SHISA6: variants seen among roughly 807,000 people sequenced by gnomAD.
SHISA6 encodes the protein protein shisa-6.
A neutral mutation model predicts 47.9 loss-of-function variants in SHISA6; 22 were observed. The observed-to-expected ratio is 0.46, with a 90% CI of 0.33 to 0.66. SHISA6 has a LOEUF of 0.66. SHISA6 is among the 30% of genes least tolerant of loss of function. The pLI is 0.02. For synonymous variants in SHISA6, 388 were observed against 337.8 expected (o/e 1.15, Z -1.63); for missense variants, 680 against 764.6 (o/e 0.89, Z 1.30).
intron 2 of SHISA6, among the ~76,000 whole-genome samples, chr17:11,330,448 C>A (rs1164252102): frequency 1.3e-5 from 2 of 149,794 alleles, no homozygotes; most frequent in South Asian, 2.1e-4. Context: ...ATAAGGTTGG[C>A]AAATTGAGAC....
chr17:11,348,200 G>A (rs1181936447), intron 2 of SHISA6, among the ~76,000 whole-genome samples: 2 of 152,168 alleles, frequency 1.3e-5, no homozygotes, highest in Non-Finnish European at 2.9e-5. Flanking sequence ...TGAAGGTCTG[G>A]TCAGGAGCTC....
rs1210725623 is a variant in SHISA6, at chr17:11,474,424, G to A, written c.896-77472G>A. Among the ~76,000 whole-genome samples, 3 of 108,428 alleles carry A rather than the reference G, an allele frequency of 2.8e-5. No homozygotes were observed. The East Asian group carries it at 8.3e-4, about 30-fold the overall frequency. The allele number at this position is 108,428 out of a possible 152,430, so 71.1% of individuals were successfully genotyped here. A position where few individuals can be genotyped will look rare whatever the true frequency, so the allele number is the denominator to read the frequency against. On this transcript the variant is annotated intron_variant, in intron 3 of 5. Coordinates refer to ENST00000441885, the MANE Select transcript of SHISA6 (RefSeq NM_207386.4). The stretch of plus-strand genomic sequence containing the variant: ...TTGATGGTTTTTTTTTTTTTTTCTT[G>A]TAAATTTATTTAAGTTCCTTGTAGA...
At chr17:11,361,623 C>T (rs1331538021) in intron 2 of SHISA6, among the ~76,000 whole-genome samples, 2 of 152,188 alleles carry the variant, frequency 1.3e-5, no homozygotes, top group Admixed American at 6.5e-5. Context: ...TTGATGGGGC[C>T]TTGTGGCTGG....
At chr17:11,513,651 A>G (rs1023551127) in intron 3 of SHISA6, among the ~76,000 whole-genome samples, 1 of 152,164 alleles carries the variant, frequency 6.6e-6, no homozygotes, top group Non-Finnish European at 1.5e-5. Context: ...TTTTCACTAA[A>G]TAAGTATAGA....
chr17:11,531,195 T>C (rs1004122527), intron 3 of SHISA6, among the ~76,000 whole-genome samples: 2 of 147,210 alleles, frequency 1.4e-5, no homozygotes, highest in Non-Finnish European at 3.0e-5. Flanking sequence ...CTGTGTGAGC[T>C]GGACAGGTTA....
chr17:11,473,433 A>G (rs760369749), intron 3 of SHISA6, among the ~76,000 whole-genome samples: 1 of 152,138 alleles, frequency 6.6e-6, no homozygotes, highest in Non-Finnish European at 1.5e-5. Context: ...TGCATGCTGC[A>G]TGCTTCAGAG....
intron 2 of SHISA6, among the ~76,000 whole-genome samples, chr17:11,310,867 G>A (rs1910305126): frequency 6.6e-6 from 1 of 151,996 alleles, no homozygotes; most frequent in Non-Finnish European, 1.5e-5. Context: ...CCAGCACTTT[G>A]GGGGGCCTAG....
chr17:11,383,131 C>T (rs1467501038), intron 3 of SHISA6, among the ~76,000 whole-genome samples: 1 of 151,716 alleles, frequency 6.6e-6, no homozygotes, highest in Non-Finnish European at 1.5e-5. Context: ...AGAGACAGGG[C>T]TTCACCATGT....
At chr17:11,338,482 A>G (rs1212454620) in intron 2 of SHISA6, among the ~76,000 whole-genome samples, 1 of 151,874 alleles carries the variant, frequency 6.6e-6, no homozygotes, top group Non-Finnish European at 1.5e-5. Context: ...GCTCACTGCA[A>G]CCTCTGCCTC....
At chr17:11,242,680 G>C (rs541494622) in intron 1 of SHISA6, among the ~76,000 whole-genome samples, 1 of 152,260 alleles carries the variant, frequency 6.6e-6, no homozygotes, top group Non-Finnish European at 1.5e-5. Context: ...TAGAGGACTC[G>C]TTCTTTGAAA....
chr17:11,386,746 C>T (rs1156231434), intron 3 of SHISA6, among the ~76,000 whole-genome samples: 1 of 152,176 alleles, frequency 6.6e-6, no homozygotes, highest in African/African-American at 2.4e-5. Flanking sequence ...CACCAGGCCA[C>T]ATATGACAGA....
intron 3 of SHISA6, among the ~76,000 whole-genome samples, chr17:11,498,810 A>G (rs1254078452): frequency 6.6e-6 from 1 of 152,208 alleles, no homozygotes; most frequent in African/African-American, 2.4e-5. Context: ...TGTAGGACCT[A>G]CTATCCTTCT....
chr17:11,446,359 T>C (rs887018827), intron 3 of SHISA6, among the ~76,000 whole-genome samples: 8 of 152,164 alleles, frequency 5.3e-5, no homozygotes, highest in Admixed American at 3.3e-4. Flanking sequence ...CCTTCATCTA[T>C]GGTGGAATCG....
chr17:11,273,908 G>A (rs1026028866), intron 2 of SHISA6, among the ~76,000 whole-genome samples: 28 of 13,416 alleles, frequency 2.1e-3, no homozygotes, highest in Admixed American at 0.012. Context: ...CTTGTCCTGC[G>A]AGGAAGCGCA....
At chr17:11,376,890 C>T (rs1301419288) in intron 2 of SHISA6, among the ~76,000 whole-genome samples, 1 of 152,160 alleles carries the variant, frequency 6.6e-6, no homozygotes, top group East Asian at 1.9e-4. Flanking sequence ...GGAGCCGGGA[C>T]CCTGCGATCT....
chr17:11,446,061 C>G (rs1313008716), intron 3 of SHISA6, among the ~76,000 whole-genome samples: 1 of 152,068 alleles, frequency 6.6e-6, no homozygotes, highest in Non-Finnish European at 1.5e-5. Context: ...CTCCTGACCT[C>G]GTGATCCGCC....
chr17:11,358,460 C>T (rs971643617), intron 2 of SHISA6, among the ~76,000 whole-genome samples: 2 of 151,712 alleles, frequency 1.3e-5, no homozygotes, highest in African/African-American at 2.4e-5. Context: ...CTTGGGTTCA[C>T]GCCATTCTCC....
At chr17:11,361,817 C>T (rs1338473430) in intron 2 of SHISA6, among the ~76,000 whole-genome samples, 3 of 152,198 alleles carry the variant, frequency 2.0e-5, no homozygotes, top group Admixed American at 6.5e-5. Context: ...GGGACTTGGT[C>T]CTTGCTGCAC....
At chr17:11,551,984 C>T in intron 4 of SHISA6, 32 bp downstream of exon 4, 2 of 1,547,478 alleles carry the variant, frequency 1.3e-6, no homozygotes, top group African/African-American at 1.4e-5. Flanking sequence ...TCTGCATTTC[C>T]TCCTTATTTC....
Sources: gnomAD v4.1 joint callset for allele counts (sites outside exome capture counted in the v4.1 genomes callset) on GRCh38, gnomAD v4.1.1 for gene constraint, MANE v1.5 for transcripts, NCBI Gene and HGNC (gene_info 2026-07-23, HGNC 2026-07-21) for gene names.